Variants in SLC35D1 observed in about 807,000 individuals in gnomAD.
SLC35D1 encodes nucleotide sugar transporter SLC35D1.
In SLC35D1, 31 loss-of-function variants were observed where a neutral mutation model predicts 46.7. The ratio of observed to expected loss-of-function variants is 0.66; its 90% CI spans 0.50 to 0.90. The LOEUF is 0.90. SLC35D1 is among the 40% of genes least tolerant of loss of function. The pLI, the probability that SLC35D1 is intolerant of heterozygous loss-of-function variation, is 0.00. For missense variants in SLC35D1, 397 were observed against 426.2 expected (o/e 0.93, Z 0.60); for synonymous variants, 195 against 164.6 (o/e 1.18, Z -1.41).
At chr1:67,023,773 A>C (rs1275231344) in intron 8 of SLC35D1, among the ~76,000 whole-genome samples, 1 of 151,926 alleles carries the variant, frequency 6.6e-6, no homozygotes, top group Non-Finnish European at 1.5e-5. Flanking sequence ...GAGGTACAAA[A>C]GAGGTGCCCG....
downstream of SLC35D1, among the ~76,000 whole-genome samples, chr1:66,994,924 A>G (rs1392946489): frequency 3.1e-4 from 46 of 150,626 alleles, no homozygotes; most frequent in Non-Finnish European, 6.2e-4. Flanking sequence ...AAAAAAAGAA[A>G]AAAAAAAAAA....
chr1:67,033,959 G>A (rs1054741309), intron 8 of SLC35D1, among the ~76,000 whole-genome samples: 11 of 152,136 alleles, frequency 7.2e-5, no homozygotes, highest in Admixed American at 6.6e-4. Context: ...CCCAGTGTAT[G>A]TTCTTGGCAC....
chr1:67,027,199 CT>C (rs1288932020), intron 8 of SLC35D1, among the ~76,000 whole-genome samples: 2 of 152,080 alleles, frequency 1.3e-5, no homozygotes, highest in African/African-American at 4.8e-5. Flanking sequence ...TATTCTCTTA[CT>C]ATTCTTTTAA....
chr1:67,036,628 A>G (rs145159818), intron 8 of SLC35D1, among the ~76,000 whole-genome samples: 1 of 150,936 alleles, frequency 6.6e-6, no homozygotes, highest in East Asian at 1.9e-4. Context: ...GGCATGTAAT[A>G]TATTTTTCCA....
chr1:66,984,399 AAG>A, the SLC35D1 span, among the ~76,000 whole-genome samples: 7 of 152,378 alleles, frequency 4.6e-5, no homozygotes, highest in African/African-American at 1.7e-4. Context: ...GAGATACAGA[AAG>A]AGTAAATAAT....
intron 11 of SLC35D1, chr1:67,008,416 T>C (rs1003838516): frequency 7.8e-7 from 1 of 1,288,640 alleles, no homozygotes; most frequent in Non-Finnish European, 1.0e-6. Context: ...CTACCAACTC[T>C]TAACTCACAG....
chr1:66,973,117 A>T, the SLC35D1 span: 1 of 590,494 alleles, frequency 1.7e-6, no homozygotes, highest in Non-Finnish European at 3.0e-6. Flanking sequence ...ATATTTTGGT[A>T]TTTAGTGAGT....
At chr1:67,008,725 T>C (rs12060891) in intron 11 of SLC35D1, among the ~76,000 whole-genome samples, 28,983 of 152,040 alleles carry the variant, frequency 0.19, 5,077 homozygotes, top group African/African-American at 0.47. Flanking sequence ...ATAGCAACCC[T>C]GTGGCCAGGG....
chr1:67,035,805 CTTT>C (rs71058492), intron 8 of SLC35D1, among the ~76,000 whole-genome samples: 16 of 133,356 alleles, frequency 1.2e-4, no homozygotes, highest in Non-Finnish European at 1.8e-4. Flanking sequence ...TGAAGTTTTT[CTTT>C]TTTTTTTTTT....
the SLC35D1 span, among the ~76,000 whole-genome samples, chr1:66,981,100 T>G: frequency 6.6e-6 from 1 of 152,186 alleles, no homozygotes; most frequent in Non-Finnish European, 1.5e-5. Context: ...GACATATGAT[T>G]TATCTACATT....
intron 11 of SLC35D1, among the ~76,000 whole-genome samples, chr1:67,007,522 G>A (rs145775598): frequency 1.3e-5 from 2 of 152,270 alleles, no homozygotes; most frequent in East Asian, 3.9e-4. Context: ...ATTGCCACAT[G>A]GTTGTAACTT....
At chr1:67,021,676 T>A in intron 8 of SLC35D1, 74 bp from the exon 9 acceptor site, 3 of 1,369,160 alleles carry the variant, frequency 2.2e-6, no homozygotes, top group East Asian at 2.8e-5. Flanking sequence ...ATGTAAATCC[T>A]TCTACGAGTC....
rs537218496 is a variant in SLC35D1 at position 67,052,695 on chromosome 1, C to T, written c.324+76G>A. ...ATTTTGAGGCTGCAATTTTTAAATACGCAAGGCACTGATAAAATATGTTAA... is the reference window on the plus strand; with the variant it reads ...ATTTTGAGGCTGCAATTTTTAAATATGCAAGGCACTGATAAAATATGTTAA... On this transcript the variant is annotated intron_variant, in intron 3 of 11. Transcript: ENST00000235345. The T allele has an allele frequency of 1.1e-5, 17 of 1,481,348 alleles. No homozygotes were observed. The East Asian group carries it at 3.6e-4, about 31-fold the overall frequency. The allele number at this position is 1,481,348 out of a possible 1,614,324, so 91.8% of individuals were successfully genotyped here. A position where few individuals can be genotyped will look rare whatever the true frequency, so the allele number is the denominator to read the frequency against.
chr1:66,992,013 A>T, the SLC35D1 span, among the ~76,000 whole-genome samples: 1 of 152,318 alleles, frequency 6.6e-6, no homozygotes, highest in South Asian at 2.1e-4. Flanking sequence ...GTCCCTAGAG[A>T]GTGCTGGCTA....
At position 67,002,556 on chromosome 1, in the gene SLC35D1, C is replaced by A. The variant is rs1464941323; in HGVS notation, c.*1784G>T. 2.0e-5 allele frequency: 3 copies of A among 152,234 alleles called. No homozygotes were observed. Among genetic ancestry groups the A allele is most frequent in the Admixed American group, 2.0e-4 (3 of 15,256 alleles). The allele number at this position is 152,234 out of a possible 1,614,324, so 9.4% of individuals were successfully genotyped here. ...TATCCTTTACTCCCAGTGGAATTTT[C>A]TCAGGTCAGAAGATGCTAGAAAAAA... On this transcript the variant is annotated 3_prime_UTR_variant, in exon 12 of 12. Transcript: ENST00000235345.
chr1:67,049,305 A>T (rs1645284158), intron 6 of SLC35D1, among the ~76,000 whole-genome samples: 1 of 152,152 alleles, frequency 6.6e-6, no homozygotes, highest in African/African-American at 2.4e-5. Flanking sequence ...AAAAAAAAAA[A>T]AAGAAATGCC....
Sources: gnomAD v4.1 joint callset for allele counts (sites outside exome capture counted in the v4.1 genomes callset) on GRCh38, gnomAD v4.1.1 for gene constraint, MANE v1.5 for transcripts, NCBI Gene and HGNC (gene_info 2026-07-23, HGNC 2026-07-21) for gene names.